The following TBCA variants were observed in gnomAD, a reference collection of about 807,000 sequenced individuals.
The protein encoded by TBCA is tubulin folding cofactor A, also known as tubulin-specific chaperone A.
TBCA carries 6 observed loss-of-function variants against 15.8 expected under a neutral mutation model. The observed-to-expected ratio is 0.38, with a 90% CI of 0.21 to 0.75. The LOEUF is 0.75. TBCA is among the 30% of genes least tolerant of loss of function. The pLI is 0.46. For synonymous variants in TBCA, 32 were observed against 42.3 expected, an observed-to-expected ratio of 0.76 and a Z score of 0.94; for missense variants, 90 against 131.2, an observed-to-expected ratio of 0.69 and a Z score of 1.53.
At chr5:77,714,474 T>A (rs528493067) in intron 1 of TBCA, among the ~76,000 whole-genome samples, 45 of 152,222 alleles carry the variant, frequency 3.0e-4, no homozygotes, top group African/African-American at 9.1e-4. Context: ...CCCTTCAAAG[T>A]TTTGAGAGAA....
intron 1 of TBCA, among the ~76,000 whole-genome samples, chr5:77,725,710 T>C (rs1356992646): frequency 2.0e-5 from 3 of 152,212 alleles, no homozygotes; most frequent in Admixed American, 6.5e-5. Flanking sequence ...TAAAACACTT[T>C]GTCATATTTT....
chr5:77,774,875 T>C (rs748531041), intron 1 of TBCA, among the ~76,000 whole-genome samples: 15 of 150,984 alleles, frequency 9.9e-5, no homozygotes, highest in Non-Finnish European at 2.1e-4. Context: ...GAAAAATAAA[T>C]CTCAGGACCC....
At chr5:77,765,927 A>C (rs1747763866) in intron 1 of TBCA, among the ~76,000 whole-genome samples, 1 of 151,992 alleles carries the variant, frequency 6.6e-6, no homozygotes, top group Non-Finnish European at 1.5e-5. Context: ...ATCCATTAAA[A>C]TGAGAATAAA....
chr5:77,727,986 A>G (rs1300393647), intron 1 of TBCA, among the ~76,000 whole-genome samples: 1 of 152,200 alleles, frequency 6.6e-6, no homozygotes, highest in Non-Finnish European at 1.5e-5. Context: ...AAAATGTGAA[A>G]GAAAAATTAC....
intron 1 of TBCA, among the ~76,000 whole-genome samples, chr5:77,751,647 T>C (rs950601277): frequency 7.9e-5 from 12 of 152,278 alleles, no homozygotes; most frequent in Non-Finnish European, 1.2e-4. Flanking sequence ...TTTTGTCCCA[T>C]AGCACTGTAA....
chr5:77,721,350 T>C (rs993916950), intron 1 of TBCA, among the ~76,000 whole-genome samples: 4 of 152,182 alleles, frequency 2.6e-5, no homozygotes, highest in African/African-American at 4.8e-5. Context: ...ATGCAGCGTA[T>C]TGAACTAAGA....
At chr5:77,715,822 C>G (rs973496270) in intron 1 of TBCA, among the ~76,000 whole-genome samples, 15 of 152,184 alleles carry the variant, frequency 9.9e-5, no homozygotes, top group African/African-American at 3.6e-4. Context: ...ATACCAACAC[C>G]TGTGTCATTA....
chr5:77,692,607 C>A, intron 3 of TBCA: 1 of 985,252 alleles, frequency 1.0e-6, no homozygotes, highest in Non-Finnish European at 1.2e-6. Context: ...TTTTTCCAAG[C>A]AATTTCTATT....
intron 2 of TBCA, among the ~76,000 whole-genome samples, chr5:77,706,095 TA>T (rs1468810095): frequency 6.6e-6 from 1 of 152,190 alleles, no homozygotes; most frequent in Non-Finnish European, 1.5e-5. Context: ...AGCAACTCCC[TA>T]CAAAAAATTC....
intron 1 of TBCA, among the ~76,000 whole-genome samples, chr5:77,742,108 C>T (rs1395250923): frequency 3.9e-5 from 6 of 152,166 alleles, no homozygotes; most frequent in Non-Finnish European, 2.9e-5. Context: ...TATCCTTTAT[C>T]CACAATGCTT....
At chr5:77,769,736 T>C (rs1285475395) in intron 1 of TBCA, among the ~76,000 whole-genome samples, 1 of 152,102 alleles carries the variant, frequency 6.6e-6, no homozygotes, top group Non-Finnish European at 1.5e-5. Context: ...TCAAGGCTTG[T>C]AGATTTGTAA....
chr5:77,693,775 G>A (rs1394980027), intron 2 of TBCA, among the ~76,000 whole-genome samples: 5 of 119,506 alleles, frequency 4.2e-5, no homozygotes, highest in Non-Finnish European at 8.6e-5. Context: ...CTCTGGCCTG[G>A]GCAACAAGAG....
chr5:77,714,810 C>T (rs1160812175), intron 1 of TBCA, among the ~76,000 whole-genome samples: 6 of 152,174 alleles, frequency 3.9e-5, no homozygotes, highest in Admixed American at 2.0e-4. Context: ...TTGTGATCCG[C>T]CCACCTCGAC....
chr5:77,752,941 C>G lies in TBCA; in HGVS notation c.53+23264G>C, dbSNP rs578104221. ...TACTGACTTCAAGTTAATCTGTCCA[C>G]CTCAGCCTCTCAAAGTGCGGGGATT... On this transcript the variant is annotated intron_variant, in intron 1 of 3. Coordinates refer to ENST00000380377, the MANE Select transcript of TBCA (RefSeq NM_004607.3). 3.3e-5 allele frequency among the ~76,000 whole-genome samples: 5 copies of G among 152,284 alleles called. No homozygotes were observed. In the South Asian group the frequency reaches 1.0e-3, roughly 32 times the overall value.
chr5:77,725,067 G>T (rs191046632), intron 1 of TBCA, among the ~76,000 whole-genome samples: 2,502 of 128,134 alleles, frequency 0.02, 66 homozygotes, highest in African/African-American at 0.066. Flanking sequence ...GGTATTACCT[G>T]AGACGGCTTT....
chr5:77,731,081 T>C (rs1397791597), intron 1 of TBCA, among the ~76,000 whole-genome samples: 4 of 152,176 alleles, frequency 2.6e-5, no homozygotes, highest in Non-Finnish European at 5.9e-5. Flanking sequence ...GCATGGTATT[T>C]TGAGGTCACA....
intron 1 of TBCA, among the ~76,000 whole-genome samples, chr5:77,732,212 A>T (rs1746788795): frequency 6.6e-6 from 1 of 152,192 alleles, no homozygotes; most frequent in South Asian, 2.1e-4. Flanking sequence ...ACAGGTTTCC[A>T]GTTTTAGAAT....
At chr5:77,722,414 G>A (rs958720790) in intron 1 of TBCA, among the ~76,000 whole-genome samples, 2 of 151,968 alleles carry the variant, frequency 1.3e-5, no homozygotes, top group Admixed American at 1.3e-4. Context: ...TCAAAGAAAT[G>A]TTAATAGATA....
intron 1 of TBCA, among the ~76,000 whole-genome samples, chr5:77,710,673 G>T (rs991044883): frequency 1.7e-4 from 26 of 152,232 alleles, no homozygotes; most frequent in African/African-American, 6.3e-4. Flanking sequence ...CTAAGTAGTG[G>T]CTGTTGTCTC....
Sources: allele counts gnomAD v4.1 joint callset (sites outside exome capture counted in the v4.1 genomes callset), GRCh38; gene constraint gnomAD v4.1.1; transcripts MANE v1.5; gene names NCBI Gene and HGNC (gene_info 2026-07-23, HGNC 2026-07-21).